Variants in PUDP observed in about 807,000 individuals in gnomAD.
PUDP encodes the protein pseudouridine 5'-phosphatase.
A neutral mutation model predicts 9.4 loss-of-function variants in PUDP; 8 were observed. That is an observed-to-expected ratio of 0.85 (90% CI 0.50 to 1.53). The LOEUF is 1.53. PUDP is among the 40% of genes most tolerant of loss of function. PUDP has a pLI of 0.00. For synonymous variants in PUDP, 99 were observed against 80.7 expected (o/e 1.23, Z -1.22); for missense variants, 188 against 189.7 (o/e 0.99, Z 0.05).
chrX:6,719,769 C>T (rs1190548561), intron 1 of PUDP, among the ~76,000 whole-genome samples: 1 of 111,586 alleles, frequency 9.0e-6, no homozygotes, highest in Non-Finnish European at 1.9e-5. Context: ...AGGTGCACGC[C>T]CAATCCACAG....
intron 3 of PUDP, among the ~76,000 whole-genome samples, chrX:6,788,419 G>A (rs761548049): frequency 8.9e-5 from 10 of 112,061 alleles, no homozygotes; most frequent in African/African-American, 3.2e-4. Flanking sequence ...AAGTTGAGAA[G>A]GGGCTGGCTG....
At chrX:7,065,097 T>G (rs1293962033) in intron 3 of PUDP, among the ~76,000 whole-genome samples, 8 of 111,715 alleles carry the variant, frequency 7.2e-5, no homozygotes, top group African/African-American at 2.6e-4. Context: ...CTCAGCTCAC[T>G]GCAACCTCCT....
At chrX:6,797,510 T>C (rs1366090230) in intron 3 of PUDP, among the ~76,000 whole-genome samples, 1 of 111,761 alleles carries the variant, frequency 8.9e-6, no homozygotes, top group Admixed American at 9.5e-5. Context: ...ATGGCAGCCA[T>C]CTTGTAAGGA....
At chrX:6,775,425 T>C (rs1925434274) in intron 3 of PUDP, among the ~76,000 whole-genome samples, 1 of 110,992 alleles carries the variant, frequency 9.0e-6, no homozygotes. Flanking sequence ...TGTCTTTGGA[T>C]ACCTGTTTTT....
At chrX:7,136,571 C>A (rs1932747918) in intron 1 of PUDP, among the ~76,000 whole-genome samples, 1 of 112,026 alleles carries the variant, frequency 8.9e-6, no homozygotes, top group African/African-American at 3.2e-5. Flanking sequence ...GAGCTCACCC[C>A]CAGCCACCCT....
In PUDP at chrX:7,112,810, C is replaced by A. The variant is rs56744354; in HGVS notation, c.62-6972G>T. On this transcript the variant is annotated intron_variant, in intron 1 of 3. Transcript: ENST00000381077. Reference sequence around the variant, plus strand: ...CCAAGTAGCTGGGGCTACAGGTGTGCGCCACCACACCAGGCTGATTTTTAA... The same window carrying A: ...CCAAGTAGCTGGGGCTACAGGTGTGAGCCACCACACCAGGCTGATTTTTAA... Among the ~76,000 whole-genome samples the A allele has an allele frequency of 4.8e-5, 5 of 103,869 alleles. No individual in the cohort carries two copies. The South Asian group carries it at 1.9e-3, about 39-fold the overall frequency. The allele number at this position is 103,869 out of a possible 115,157, so 90.2% of individuals were successfully genotyped here.
At chrX:6,923,805 G>A (rs1243890896) in intron 3 of PUDP, among the ~76,000 whole-genome samples, 8 of 111,198 alleles carry the variant, frequency 7.2e-5, no homozygotes, top group East Asian at 2.8e-4. Context: ...GTGGCTCCAC[G>A]TCTCCTCAAG....
chrX:6,811,396 C>A (rs1319748261), intron 3 of PUDP, among the ~76,000 whole-genome samples: 2 of 110,736 alleles, frequency 1.8e-5, no homozygotes, highest in Non-Finnish European at 3.8e-5. Context: ...CTCACTGCAA[C>A]CTCCACTTTC....
chrX:6,805,203 G>A (rs1379865378), intron 3 of PUDP, among the ~76,000 whole-genome samples: 8 of 111,453 alleles, frequency 7.2e-5, no homozygotes, highest in Admixed American at 1.9e-4. Flanking sequence ...CTGGGAGGTC[G>A]AGGCTGCAGT....
In PUDP at chrX:6,947,826, C is replaced by T. The variant is rs1465362278; in HGVS notation, c.*247+29307G>A. 4.5e-5 allele frequency among the ~76,000 whole-genome samples: 5 copies of T among 110,473 alleles called. 1 individual carries two copies. The highest frequency in any genetic ancestry group is 1.9e-4 in the Admixed American group (2 of 10,362). The stretch of plus-strand genomic sequence containing the variant: ...AATAAATAAATAAATAAAAATAAAG[C>T]TGTTTGAATTGCACATAAATCCCAT... On this transcript the variant is annotated intron_variant and NMD_transcript_variant, in intron 3 of 3. Coordinates refer to the PUDP transcript ENST00000655425.
rs1209460952 is a variant in PUDP, at chrX:6,749,500, T to C, written c.*248-43034A>G. 6.3e-5 allele frequency among the ~76,000 whole-genome samples: 7 copies of C among 111,277 alleles called. No individual in the cohort carries two copies. In the East Asian group the frequency reaches 2.0e-3, roughly 31 times the overall value. On this transcript the variant is annotated intron_variant and NMD_transcript_variant, in intron 3 of 3. Transcript: ENST00000655425. ...GGAGAGGACGGTAACTGAAGCTGAA[T>C]TGCAGGGTGGATGGAGAATTATCCA...
downstream of PUDP, among the ~76,000 whole-genome samples, chrX:7,044,420 A>G (rs1331633808): frequency 8.9e-6 from 1 of 112,617 alleles, no homozygotes; most frequent in Non-Finnish European, 1.9e-5. Flanking sequence ...GAAAGTGACA[A>G]TGAAACACCA....
chrX:6,998,358 T>C (rs1430426063), intron 1 of PUDP, among the ~76,000 whole-genome samples: 1 of 111,528 alleles, frequency 9.0e-6, no homozygotes, highest in African/African-American at 3.3e-5. Context: ...ACTAGATCAA[T>C]GGACTGAAGC....
chrX:6,784,667 A>G (rs1361061066), intron 3 of PUDP, among the ~76,000 whole-genome samples: 1 of 112,118 alleles, frequency 8.9e-6, no homozygotes, highest in Non-Finnish European at 1.9e-5. Flanking sequence ...TTCTTAGTCA[A>G]CAATAATACA....
At chrX:6,786,324 T>C (rs1569098350) in intron 3 of PUDP, among the ~76,000 whole-genome samples, 2 of 111,772 alleles carry the variant, frequency 1.8e-5, no homozygotes. Context: ...TCTGTTTTTT[T>C]AGTATCATGA....
chrX:6,997,325 T>TA (rs1246538360), intron 1 of PUDP, among the ~76,000 whole-genome samples: 1 of 112,273 alleles, frequency 8.9e-6, no homozygotes. Context: ...TAAAAACCAT[T>TA]TACTAGTTCT....
chrX:6,791,787 C>A (rs1476695508), intron 3 of PUDP, among the ~76,000 whole-genome samples: 5 of 112,061 alleles, frequency 4.5e-5, no homozygotes. Context: ...GTTGTTTAGC[C>A]CCAAAGTTTG....
chrX:7,080,171 T>C (rs1490794374), intron 2 of PUDP, among the ~76,000 whole-genome samples: 2 of 111,947 alleles, frequency 1.8e-5, no homozygotes, highest in African/African-American at 6.5e-5. Context: ...CTAACATCGA[T>C]AAAATGATAA....
rs138280292 is a variant in PUDP, at chrX:7,111,217, T to A, written c.62-5379A>T. 6.6e-3 allele frequency among the ~76,000 whole-genome samples: 739 copies of A among 111,602 alleles called. 3 individuals carry two copies. The highest frequency in any genetic ancestry group is 0.011 in the Non-Finnish European group (566 of 53,068). ...CAGCCATGTGGAACTGTGGGTCAAT[T>A]AAACCTCTTTCCTCTACAGAATACC... On this transcript the variant is annotated intron_variant, in intron 1 of 3. Coordinates refer to ENST00000381077, the MANE Select transcript of PUDP (RefSeq NM_012080.5).
Sources: allele counts gnomAD v4.1 joint callset (sites outside exome capture counted in the v4.1 genomes callset), GRCh38; gene constraint gnomAD v4.1.1; transcripts MANE v1.5; gene names NCBI Gene and HGNC (gene_info 2026-07-23, HGNC 2026-07-21).